Variants in ELMO1 observed in about 807,000 individuals in gnomAD.
The protein encoded by ELMO1 is engulfment and cell motility 1, also known as engulfment and cell motility protein 1.
A neutral mutation model predicts 98.9 loss-of-function variants in ELMO1; 26 were observed. The observed-to-expected ratio is 0.26, with a 90% confidence interval of 0.19 to 0.36. The LOEUF (loss-of-function observed/expected upper bound fraction) is 0.36, where lower values mean the gene tolerates loss of function less well. ELMO1 is among the 10% of genes least tolerant of loss of function. The probability of loss-of-function intolerance (pLI) is 1.00; values close to 1 mark genes in which losing one functional copy is unlikely to be tolerated. For synonymous variants in ELMO1, 346 were observed against 346.0 expected (o/e 1.00, Z 0.00); for missense variants, 627 against 935.2 (o/e 0.67, Z 4.30).
chr7:37,049,315 G>C (rs1324463736), intron 15 of ELMO1, among the ~76,000 whole-genome samples: 1 of 152,054 alleles, frequency 6.6e-6, no homozygotes, highest in African/African-American at 2.4e-5. Flanking sequence ...TCTTGGGCCG[G>C]GATTCTTCTC....
chr7:37,287,940 C>G (rs1267551832), intron 4 of ELMO1, among the ~76,000 whole-genome samples: 1 of 152,120 alleles, frequency 6.6e-6, no homozygotes, highest in Non-Finnish European at 1.5e-5. Flanking sequence ...AGTCTTGGCT[C>G]AAATGTCACC....
In ELMO1 at chr7:37,283,674, G is replaced by C. The variant is rs2723958; in HGVS notation, c.193-11792C>G. ...CATTCCCTTTGGGATCCACCATTAT[G>C]ATTCCATGGGGAAGGCCTCAAGCCT... On this transcript the variant is annotated intron_variant, in intron 4 of 21. Transcript: ENST00000310758. 3.7e-4 allele frequency among the ~76,000 whole-genome samples: 56 copies of C among 152,122 alleles called. 1 individual carries two copies. In the Middle Eastern group the frequency reaches 0.01, roughly 28 times the overall value.
intron 2 of ELMO1, among the ~76,000 whole-genome samples, chr7:37,324,907 G>A (rs1293308434): frequency 2.6e-5 from 4 of 152,196 alleles, no homozygotes; most frequent in Admixed American, 6.5e-5. Flanking sequence ...TCCAGGGACG[G>A]CTTCTGCAGT....
intron 14 of ELMO1, among the ~76,000 whole-genome samples, chr7:37,106,717 A>C (rs910198130): frequency 6.6e-6 from 1 of 152,148 alleles, no homozygotes; most frequent in Non-Finnish European, 1.5e-5. Context: ...GCATTGGTAC[A>C]AAGTCCTGTG....
chr7:37,122,587 C>T (rs528489791), intron 14 of ELMO1, among the ~76,000 whole-genome samples: 18 of 152,286 alleles, frequency 1.2e-4, no homozygotes, highest in African/African-American at 2.9e-4. Context: ...GAAGAGTTAA[C>T]GATCCTAAAT....
chr7:37,191,188 CAAAA>C (rs70975003), intron 13 of ELMO1, among the ~76,000 whole-genome samples: 1 of 94,076 alleles, frequency 1.1e-5, no homozygotes, highest in Admixed American at 1.2e-4. Flanking sequence ...GACTCTGTCT[CAAAA>C]AAAAAAAAAA....
At chr7:37,222,584 A>G (rs781391338) in intron 10 of ELMO1, 31 bp downstream of exon 10, 1 of 1,606,394 alleles carries the variant, frequency 6.2e-7, no homozygotes, top group Non-Finnish European at 8.5e-7. Flanking sequence ...TAGCCTTGAC[A>G]TAGCCATAAG....
intron 15 of ELMO1, among the ~76,000 whole-genome samples, chr7:37,044,266 T>C (rs1488742820): frequency 6.6e-6 from 1 of 152,122 alleles, no homozygotes; most frequent in Non-Finnish European, 1.5e-5. Context: ...CTCTTTCAGA[T>C]CACATGGAAG....
chr7:37,363,958 C>T (rs1398373048), intron 1 of ELMO1, among the ~76,000 whole-genome samples: 1 of 152,192 alleles, frequency 6.6e-6, no homozygotes, highest in African/African-American at 2.4e-5. Flanking sequence ...CCCCCACAGG[C>T]AACACCACCC....
At chr7:37,191,842 C>T (rs551199640) in intron 13 of ELMO1, among the ~76,000 whole-genome samples, 6 of 152,214 alleles carry the variant, frequency 3.9e-5, no homozygotes, top group South Asian at 4.1e-4. Flanking sequence ...TCCATGAACC[C>T]GGGAGAAGGA....
intron 1 of ELMO1, among the ~76,000 whole-genome samples, chr7:37,367,341 G>A (rs750183829): frequency 2.3e-4 from 35 of 152,064 alleles, no homozygotes; most frequent in Non-Finnish European, 4.9e-4. Flanking sequence ...GTTACACACC[G>A]GTCTATGTGT....
intron 16 of ELMO1, among the ~76,000 whole-genome samples, chr7:37,012,164 T>C (rs973440901): frequency 1.2e-4 from 18 of 152,226 alleles, no homozygotes; most frequent in African/African-American, 4.3e-4. Context: ...ATCACTGTGC[T>C]GAGGAAGAAA....
rs188893331 is a variant in ELMO1, at chr7:36,927,093, G to A, written c.1438-32076C>T. ...CCATGCATTAGGAACATTTTAAAAT[G>A]CTTTATATGGTTTCATTCATTGAAT... is the stretch of plus-strand genomic sequence containing the variant. On this transcript the variant is annotated intron_variant, in intron 16 of 21. Transcript: ENST00000310758. Among the ~76,000 whole-genome samples, 220 of 152,246 alleles carry A rather than the reference G, an allele frequency of 1.4e-3. 1 individual carries two copies. The highest frequency in any genetic ancestry group is 3.5e-3 in the Admixed American group (54 of 15,292).
chr7:37,330,033 T>G (rs957972088), intron 2 of ELMO1, among the ~76,000 whole-genome samples: 1 of 152,200 alleles, frequency 6.6e-6, no homozygotes, highest in African/African-American at 2.4e-5. Context: ...AATCTTCCAT[T>G]TTCTACTCCC....
At chr7:37,283,842 G>A (rs775828934) in intron 4 of ELMO1, among the ~76,000 whole-genome samples, 7 of 152,216 alleles carry the variant, frequency 4.6e-5, no homozygotes, top group South Asian at 2.1e-4. Context: ...TGCACCATCC[G>A]TAGGTTGTGA....
chr7:37,010,909 G>GC (rs1262980034), intron 16 of ELMO1, among the ~76,000 whole-genome samples: 4 of 152,202 alleles, frequency 2.6e-5, no homozygotes, highest in Non-Finnish European at 5.9e-5. Flanking sequence ...ATTTAATGTA[G>GC]AAAATTAAAA....
At chr7:36,947,874 T>C (rs980132280) in intron 16 of ELMO1, among the ~76,000 whole-genome samples, 1 of 152,164 alleles carries the variant, frequency 6.6e-6, no homozygotes, top group African/African-American at 2.4e-5. Flanking sequence ...GAGGATTCTT[T>C]TCCTGGCTGA....
At position 37,370,096 on chromosome 7, in the gene ELMO1, G is replaced by A. The variant is rs1024078302; in HGVS notation, c.-73-27333C>T. Among the ~76,000 whole-genome samples the A allele has an allele frequency of 8.5e-5, 13 of 152,236 alleles. No individual in the cohort carries two copies. The Middle Eastern group carries it at 0.01, about 119-fold the overall frequency. Reference sequence around the variant, plus strand: ...GAAGTCTCTATGCTCAGGACACCACGCCCAGTCAGCCTCCGCCTCTGCTCT... The same window carrying A: ...GAAGTCTCTATGCTCAGGACACCACACCCAGTCAGCCTCCGCCTCTGCTCT... On this transcript the variant is annotated intron_variant, in intron 1 of 21. Transcript: ENST00000310758.
chr7:37,186,585 C>T (rs1791221790), intron 13 of ELMO1, among the ~76,000 whole-genome samples: 1 of 152,162 alleles, frequency 6.6e-6, no homozygotes, highest in South Asian at 2.1e-4. Context: ...GTATCTAGAA[C>T]ATACAGAACT....
Sources: gnomAD v4.1 joint callset for allele counts (sites outside exome capture counted in the v4.1 genomes callset) on GRCh38, gnomAD v4.1.1 for gene constraint, MANE v1.5 for transcripts, NCBI Gene and HGNC (gene_info 2026-07-23, HGNC 2026-07-21) for gene names.